The following TAT variants were observed in gnomAD, a reference collection of about 807,000 sequenced individuals.
TAT encodes tyrosine aminotransferase.
A neutral mutation model predicts 53.6 loss-of-function variants in TAT; 35 were observed. The ratio of observed to expected loss-of-function variants is 0.65; its 90% CI spans 0.50 to 0.87. The LOEUF (loss-of-function observed/expected upper bound fraction) is 0.87. TAT is among the 40% of genes least tolerant of loss of function. The pLI is 0.00. For synonymous variants in TAT, 197 were observed against 206.5 expected, an observed-to-expected ratio of 0.95 and a Z score of 0.39; for missense variants, 525 against 571.8, an observed-to-expected ratio of 0.92 and a Z score of 0.83.
chr16:71,570,165 T>C, intron 9 of TAT, 104 bp downstream of exon 9: 1 of 1,569,530 alleles, frequency 6.4e-7, no homozygotes, highest in Non-Finnish European at 8.7e-7. Flanking sequence ...CGTCTCCTAA[T>C]ATTGGAACAT....
intron 3 of TAT, chr16:71,575,637 T>C (rs1597055602): frequency 2.1e-6 from 1 of 474,450 alleles, no homozygotes; most frequent in Non-Finnish European, 3.9e-6. Context: ...CAGATTAGAA[T>C]TAGTAATGAT....
intron 11 of TAT, 101 bp from the exon 12 acceptor site, chr16:71,568,385 A>G: frequency 8.8e-7 from 1 of 1,140,642 alleles, no homozygotes. Context: ...GTACCATTTC[A>G]TCAGGGCCAT....
At chr16:71,576,101 C>T (rs2044233180) in intron 2 of TAT, 75 bp from the exon 3 acceptor site, 1 of 1,607,530 alleles carries the variant, frequency 6.2e-7, no homozygotes, top group East Asian at 2.2e-5. Context: ...TCACCCCCAA[C>T]TGCCATCTTC....
rs2145230359 is a variant in TAT, at chr16:71,569,947, G to A, written c.1042-10C>T. On this transcript the variant is annotated splice_polypyrimidine_tract_variant and intron_variant, in intron 9 of 11. Transcript: ENST00000355962. ...AGAGATCAGCATTGGACTACAAGAA[G>A]AGGCAAGGAGAAATCAAGGATCAAA... 1 of 1,611,256 alleles carries A rather than the reference G, an allele frequency of 6.2e-7. No homozygotes were observed. Among genetic ancestry groups the A allele is most frequent in the Non-Finnish European group, 8.5e-7 (1 of 1,178,668 alleles).
In TAT at chr16:71,567,534, A is replaced by G. The variant is rs1364505093; in HGVS notation, c.*610T>C. On this transcript the variant is annotated 3_prime_UTR_variant, in exon 12 of 12. Transcript: ENST00000355962. ...CAAGTCGATCAATTAAAGGATATTT[A>G]TTTGCATCACAAAATAATTCTTTAC... 1 of 152,624 alleles carries G rather than the reference A, an allele frequency of 6.6e-6. No homozygotes were observed. The highest frequency in any genetic ancestry group is 1.5e-5 in the Non-Finnish European group (1 of 68,372). 9.5% of individuals were successfully genotyped at this position (152,624 alleles called of 1,614,324 possible).
At chr16:71,568,361 A>T in intron 11 of TAT, 77 bp from the exon 12 acceptor site, 1 of 1,462,808 alleles carries the variant, frequency 6.8e-7, no homozygotes, top group Non-Finnish European at 9.5e-7. Context: ...CAGGACCCTG[A>T]TCCACAAGAA....
chr16:71,570,435 T>C (rs769447055), intron 8 of TAT, 38 bp from the exon 9 acceptor site: 4 of 1,614,188 alleles, frequency 2.5e-6, no homozygotes, highest in Admixed American at 1.7e-5. Context: ...GTTTAGCTTT[T>C]CTTAAGCATC....
At position 71,572,634 on chromosome 16, in the gene TAT, A is replaced by G. The variant is rs766899306; in HGVS notation, c.463T>C (p.Leu155=). Residue 155 remains leucine, a synonymous_variant, in exon 5 of 12, where the codon TTG becomes CTG. Transcript: ENST00000355962. ...SQAIDLCLAV[L]ANPGQNILVP... ...AGGATGTTTTGCCCTGGGTTGGCCA[A>G]CACAGCTAAACAAAGGTCAATAGCT... 3 of 1,614,260 alleles carry G rather than the reference A, an allele frequency of 1.9e-6. No individual in the cohort carries two copies. The highest frequency in any genetic ancestry group is 1.3e-5 in the African/African-American group (1 of 75,080).
intron 10 of TAT, 82 bp from the exon 11 acceptor site, chr16:71,568,891 G>A: frequency 1.1e-6 from 1 of 945,804 alleles, no homozygotes; most frequent in Non-Finnish European, 1.7e-6. Context: ...TAAGGTAGGG[G>A]CTACTTTAAA....
Position 71,567,906 on chromosome 16 carries a change from T to C in TAT, c.*238A>G. The stretch of plus-strand genomic sequence containing the variant: ...GGAAATCTTACGAGAGGGAGGCAGA[T>C]TAATGAATTAGTGAGTCACTCTAGC... On this transcript the variant is annotated 3_prime_UTR_variant, in exon 12 of 12. Coordinates refer to ENST00000355962, the MANE Select transcript of TAT (RefSeq NM_000353.3). 1 of 542,766 alleles carries C rather than the reference T, an allele frequency of 1.8e-6. No homozygotes were observed. The highest frequency in any genetic ancestry group is 3.3e-6 in the Non-Finnish European group (1 of 302,990). The allele number at this position is 542,766 out of a possible 1,614,324, so 33.6% of individuals were successfully genotyped here. A position where few individuals can be genotyped will look rare whatever the true frequency, so the allele number is the denominator to read the frequency against.
intron 4 of TAT, 58 bp downstream of exon 4, chr16:71,573,480 GT>G: frequency 6.8e-7 from 1 of 1,463,288 alleles, no homozygotes; most frequent in Non-Finnish European, 9.4e-7. Context: ...ACAGAAACAA[GT>G]AAAAAGGGAT....
chr16:71,576,158 C>T, intron 2 of TAT, 23 bp downstream of exon 2: 1 of 1,612,140 alleles, frequency 6.2e-7, no homozygotes, highest in Non-Finnish European at 8.5e-7. Flanking sequence ...AATGACAGCC[C>T]CTCAGTAGTG....
At chr16:71,572,471 A>G (rs1373563791) in intron 5 of TAT, 59 bp downstream of exon 5, 11 of 1,611,826 alleles carry the variant, frequency 6.8e-6, no homozygotes, top group Admixed American at 5.0e-5. Context: ...AGTAATGTTC[A>G]TATATTTTTT....
chr16:71,574,905 T>C (rs868139550), intron 3 of TAT, among the ~76,000 whole-genome samples: 13 of 152,242 alleles, frequency 8.5e-5, no homozygotes, highest in African/African-American at 3.1e-4. Context: ...CCTTAATTAC[T>C]AATGAGGAAG....
intron 3 of TAT, among the ~76,000 whole-genome samples, chr16:71,574,268 T>G (rs1415876571): frequency 6.6e-6 from 1 of 152,212 alleles, no homozygotes; most frequent in African/African-American, 2.4e-5. Flanking sequence ...CAAATCTTTT[T>G]TAGGGACTGT....
chr16:71,572,352 G>T, intron 5 of TAT, 28 bp from the exon 6 acceptor site: 2 of 1,614,004 alleles, frequency 1.2e-6, no homozygotes, highest in Non-Finnish European at 1.7e-6. Context: ...ATGAGACTAA[G>T]ATGATTCTGA....
chr16:71,576,548 A>T (rs2044236617), intron 1 of TAT, 121 bp from the exon 2 acceptor site: 2 of 840,726 alleles, frequency 2.4e-6, no homozygotes, highest in Non-Finnish European at 1.9e-6. Flanking sequence ...CTCTCTCTTT[A>T]TTTTTTTTTC....
rs376453688 is a variant in TAT, at chr16:71,576,318, T to A, written c.98A>T (p.Lys33Ile). 8 of 1,614,106 alleles carry A rather than the reference T, an allele frequency of 5.0e-6. No individual in the cohort carries two copies. The African/African-American group carries it at 8.0e-5, about 16-fold the overall frequency. Residue 33 changes from lysine to isoleucine, a missense_variant, in exon 2 of 12, where the codon AAA becomes ATA. Transcript: ENST00000355962. Reference sequence around the variant, plus strand: ...CCACCTGGCCTTTCTGCCTTTCATTTTTCCCGGCACAGAGCTTCTCCCACC... The same window carrying A: ...CCACCTGGCCTTTCTGCCTTTCATTATTCCCGGCACAGAGCTTCTCCCACC... ...NVGGRSSVPGKMKGRKARWSV... is the reference protein window; with the variant it reads ...NVGGRSSVPGIMKGRKARWSV...
At position 71,567,972 on chromosome 16, in the gene TAT, ATC is replaced by A; in HGVS notation, c.*170_*171del. The A allele has an allele frequency of 1.4e-6, 1 of 710,676 alleles. No individual in the cohort carries two copies. The highest frequency in any genetic ancestry group is 2.5e-6 in the Non-Finnish European group (1 of 407,080). 44.0% of individuals were successfully genotyped at this position (710,676 alleles called of 1,614,324 possible). On this transcript the variant is annotated 3_prime_UTR_variant, in exon 12 of 12. Coordinates refer to ENST00000355962, the MANE Select transcript of TAT (RefSeq NM_000353.3). ...AGAATCTGCGATGTGAATGAGGAGG[ATC>A]TGAGTGTGGGTGTGGTTGTACTTGG...
Sources: gnomAD v4.1 joint callset for allele counts (sites outside exome capture counted in the v4.1 genomes callset) on GRCh38, gnomAD v4.1.1 for gene constraint, MANE v1.5 for transcripts, NCBI Gene and HGNC (gene_info 2026-07-23, HGNC 2026-07-21) for gene names.